The following TRIM44 variants were observed in gnomAD, a reference collection of about 807,000 sequenced individuals.
TRIM44 encodes tripartite motif-containing protein 44.
A neutral mutation model predicts 37.4 loss-of-function variants in TRIM44; 13 were observed. That is an observed-to-expected ratio of 0.35 (90% CI 0.23 to 0.55). The LOEUF is 0.55. Ranked by LOEUF, TRIM44 falls within the 20% of genes least tolerant of loss-of-function variation. The pLI is 0.89. For missense variants in TRIM44, 426 were observed against 437.2 expected (o/e 0.97, Z 0.23); for synonymous variants, 175 against 157.2 (o/e 1.11, Z -0.85).
chr11:35,773,505 G>T (rs939712558), intron 4 of TRIM44, among the ~76,000 whole-genome samples: 9 of 151,862 alleles, frequency 5.9e-5, no homozygotes, highest in African/African-American at 1.9e-4. Flanking sequence ...AAGTTCTAGG[G>T]TACATGTGCA....
At chr11:35,730,187 T>C (rs1266569819) in intron 3 of TRIM44, among the ~76,000 whole-genome samples, 1 of 152,184 alleles carries the variant, frequency 6.6e-6, no homozygotes, top group Non-Finnish European at 1.5e-5. Context: ...ATGAAAATTT[T>C]AGAACTGAAA....
Position 35,809,529 on chromosome 11 carries a change from C to G in TRIM44, c.*3144C>G, listed in dbSNP as rs1162661985. The G allele has an allele frequency of 6.6e-6, 1 of 152,130 alleles. No individual in the cohort carries two copies. The highest frequency in any genetic ancestry group is 2.4e-5 in the African/African-American group (1 of 41,428). The allele number at this position is 152,130 out of a possible 1,614,324, so 9.4% of individuals were successfully genotyped here. A position where few individuals can be genotyped will look rare whatever the true frequency, so the allele number is the denominator to read the frequency against. Reference sequence around the variant, plus strand: ...AGTACACATTGCTGACTTGAGCCCACCCCCAGGAGTTAGGAGAACATTTCC... The same window carrying G: ...AGTACACATTGCTGACTTGAGCCCAGCCCCAGGAGTTAGGAGAACATTTCC... On this transcript the variant is annotated 3_prime_UTR_variant, in exon 5 of 5. Transcript: ENST00000299413.
Position 35,785,867 on chromosome 11 carries a change from A to G in TRIM44, c.1008-20491A>G, listed in dbSNP as rs182950374. On this transcript the variant is annotated intron_variant, in intron 4 of 4. Coordinates refer to ENST00000299413, the MANE Select transcript of TRIM44 (RefSeq NM_017583.6). ...GATAGTAAAGGTTTCTAGTCTCTCAATTGCTGTGCTTATAAGTCTGCTCTA... is the reference window on the plus strand; with the variant it reads ...GATAGTAAAGGTTTCTAGTCTCTCAGTTGCTGTGCTTATAAGTCTGCTCTA... 2.6e-5 allele frequency among the ~76,000 whole-genome samples: 4 copies of G among 152,280 alleles called. No individual in the cohort carries two copies. In the East Asian group the frequency reaches 7.7e-4, roughly 29 times the overall value.
At chr11:35,780,269 A>T (rs1338880483) in intron 4 of TRIM44, among the ~76,000 whole-genome samples, 1 of 152,208 alleles carries the variant, frequency 6.6e-6, no homozygotes, top group African/African-American at 2.4e-5. Flanking sequence ...GGATAACATC[A>T]GCCCCAGTTT....
rs543375364 is a variant in TRIM44 at position 35,809,928 on chromosome 11, G to A, written c.*3543G>A. 2 of 152,244 alleles carry A rather than the reference G, an allele frequency of 1.3e-5. No homozygotes were observed. Among genetic ancestry groups the A allele is most frequent in the South Asian group, 4.1e-4 (2 of 4,822 alleles). 9.4% of individuals were successfully genotyped at this position (152,244 alleles called of 1,614,324 possible). A position where few individuals can be genotyped will look rare whatever the true frequency, so the allele number is the denominator to read the frequency against. On this transcript the variant is annotated 3_prime_UTR_variant, in exon 5 of 5. Coordinates refer to ENST00000299413, the MANE Select transcript of TRIM44 (RefSeq NM_017583.6). ...TGAGAGCTAAGGAAAACTCAAAGCAGCCCCTTCATTATCTTGCGTACTACT... is the reference window on the plus strand; with the variant it reads ...TGAGAGCTAAGGAAAACTCAAAGCAACCCCTTCATTATCTTGCGTACTACT...
intron 2 of TRIM44, among the ~76,000 whole-genome samples, chr11:35,721,678 C>G (rs1440172684): frequency 6.6e-6 from 1 of 152,130 alleles, no homozygotes; most frequent in Non-Finnish European, 1.5e-5. Context: ...TCTCAATACC[C>G]CATTGTAAAA....
rs956511703 is a variant in TRIM44 at position 35,760,743 on chromosome 11, G to C, written c.1007+25298G>C. On this transcript the variant is annotated intron_variant, in intron 4 of 4. Coordinates refer to ENST00000299413, the MANE Select transcript of TRIM44 (RefSeq NM_017583.6). ...TGAAGTACATATACATAGCTGAATGGTTAAATCTGGCTAGTTAACATGCAT... is the reference window on the plus strand; with the variant it reads ...TGAAGTACATATACATAGCTGAATGCTTAAATCTGGCTAGTTAACATGCAT... Among the ~76,000 whole-genome samples, 3 of 152,252 alleles carry C rather than the reference G, an allele frequency of 2.0e-5. No individual in the cohort carries two copies. In the South Asian group the frequency reaches 6.2e-4, roughly 32 times the overall value.
At chr11:35,692,650 T>C (rs1851650511) in intron 2 of TRIM44, among the ~76,000 whole-genome samples, 2 of 151,964 alleles carry the variant, frequency 1.3e-5, no homozygotes, top group Admixed American at 6.6e-5. Flanking sequence ...CAGGGCCAGG[T>C]GCGGTGGCTC....
chr11:35,705,558 C>T (rs545182290), intron 2 of TRIM44, among the ~76,000 whole-genome samples: 1 of 152,214 alleles, frequency 6.6e-6, no homozygotes, highest in Non-Finnish European at 1.5e-5. Context: ...TTATAGCAAA[C>T]TGTCTCTCAG....
At chr11:35,685,886 A>T (rs1281318720) in intron 2 of TRIM44, among the ~76,000 whole-genome samples, 2 of 151,934 alleles carry the variant, frequency 1.3e-5, no homozygotes, top group African/African-American at 4.8e-5. Context: ...CTGGTCTCGA[A>T]CTCCTGACCT....
chr11:35,689,718 G>T (rs2135493145), intron 2 of TRIM44, among the ~76,000 whole-genome samples: 1 of 152,222 alleles, frequency 6.6e-6, no homozygotes, highest in South Asian at 2.1e-4. Context: ...GCTTTCCTTT[G>T]TAGTGACTAT....
chr11:35,744,799 C>G (rs1159905263), intron 4 of TRIM44, among the ~76,000 whole-genome samples: 1 of 152,164 alleles, frequency 6.6e-6, no homozygotes, highest in Non-Finnish European at 1.5e-5. Context: ...TCAGCTCCCA[C>G]TTAAAGTGAG....
intron 1 of TRIM44, among the ~76,000 whole-genome samples, chr11:35,682,464 GGTCAGGTC>G (rs1236577883): frequency 6.6e-6 from 1 of 152,030 alleles, no homozygotes; most frequent in African/African-American, 2.4e-5. Flanking sequence ...CAGCTGTCAG[GGTCAGGTC>G]TGCCCCGAGG....
At chr11:35,677,843 A>T (rs1251131848) in intron 1 of TRIM44, among the ~76,000 whole-genome samples, 1 of 152,218 alleles carries the variant, frequency 6.6e-6, no homozygotes, top group Non-Finnish European at 1.5e-5. Flanking sequence ...AATGATAAGT[A>T]CTGTGAATAA....
intron 1 of TRIM44, among the ~76,000 whole-genome samples, chr11:35,678,679 G>A (rs1319567245): frequency 2.0e-5 from 3 of 149,762 alleles, no homozygotes; most frequent in East Asian, 2.0e-4. Context: ...GTTGATCTCC[G>A]CCCACTGCAA....
intron 4 of TRIM44, among the ~76,000 whole-genome samples, chr11:35,779,567 C>T (rs1215591994): frequency 6.6e-6 from 1 of 152,124 alleles, no homozygotes; most frequent in Non-Finnish European, 1.5e-5. Context: ...CAGCCATCCC[C>T]TCCTCTCCCA....
intron 4 of TRIM44, among the ~76,000 whole-genome samples, chr11:35,777,662 A>G (rs1852990644): frequency 6.6e-6 from 1 of 152,136 alleles, no homozygotes. Context: ...TGGTGACAAA[A>G]TCTCTCAGCA....
At chr11:35,805,562 C>T (rs1759856608) in intron 4 of TRIM44, among the ~76,000 whole-genome samples, 1 of 152,204 alleles carries the variant, frequency 6.6e-6, no homozygotes, top group Non-Finnish European at 1.5e-5. Flanking sequence ...TAATGACTGA[C>T]CAGTCCCTTC....
chr11:35,813,704 T>TA lies in TRIM44; in HGVS notation c.*7326dup, dbSNP rs970961126. On this transcript the variant is annotated 3_prime_UTR_variant, in exon 5 of 5. Transcript: ENST00000299413. ...AAATGATGACCCTGTGCACCATACATAAAAAAACTATGCTTAGAAGACAAA... is the reference window on the plus strand; with the variant it reads ...AAATGATGACCCTGTGCACCATACATAAAAAAAACTATGCTTAGAAGACAAA... The TA allele has an allele frequency of 6.6e-6, 1 of 151,574 alleles. No homozygotes were observed. 9.4% of individuals were successfully genotyped at this position (151,574 alleles called of 1,614,324 possible).
Sources: allele counts gnomAD v4.1 joint callset (sites outside exome capture counted in the v4.1 genomes callset), GRCh38; gene constraint gnomAD v4.1.1; transcripts MANE v1.5; gene names NCBI Gene and HGNC (gene_info 2026-07-23, HGNC 2026-07-21).